The following HS2ST1 variants were observed in gnomAD, a reference collection of about 807,000 sequenced individuals.
HS2ST1 encodes the protein heparan sulfate 2-O-sulfotransferase 1.
In HS2ST1, 18 loss-of-function variants were observed where a neutral mutation model predicts 42.9. That is an observed-to-expected ratio of 0.42 (90% CI 0.29 to 0.62). The LOEUF is 0.62. Ranked by LOEUF, HS2ST1 falls within the 20% of genes least tolerant of loss-of-function variation. The pLI, the probability that HS2ST1 is intolerant of heterozygous loss-of-function variation, is 0.21. For synonymous variants in HS2ST1, 146 were observed against 152.9 expected, an observed-to-expected ratio of 0.95 and a Z score of 0.33; for missense variants, 334 against 433.8, an observed-to-expected ratio of 0.77 and a Z score of 2.04.
Position 87,043,461 on chromosome 1 carries a change from A to C in HS2ST1, c.125-29473A>C, listed in dbSNP as rs191420993. On this transcript the variant is annotated intron_variant, in intron 1 of 6. Coordinates refer to ENST00000370550, the MANE Select transcript of HS2ST1 (RefSeq NM_012262.4). ...TGCTTTACCTGATTTAATAATCAAC[A>C]AAACATTTTATTCTAAATTTATTGT... Among the ~76,000 whole-genome samples the C allele has an allele frequency of 6.7e-3, 1,023 of 152,264 alleles. 11 individuals carry two copies. The highest frequency in any genetic ancestry group is 0.024 in the African/African-American group (979 of 41,572).
At chr1:87,012,829 T>G (rs1649639890) in intron 1 of HS2ST1, among the ~76,000 whole-genome samples, 2 of 152,208 alleles carry the variant, frequency 1.3e-5, no homozygotes, top group African/African-American at 4.8e-5. Flanking sequence ...ATGGGAGAAA[T>G]AGGCCAAAAC....
chr1:86,945,046 AATAG>A (rs1647289141), intron 1 of HS2ST1, among the ~76,000 whole-genome samples: 1 of 152,102 alleles, frequency 6.6e-6, no homozygotes, highest in Non-Finnish European at 1.5e-5. Flanking sequence ...CTTGACGGTT[AATAG>A]TATGTTTCCC....
chr1:86,934,249 G>A (rs1660598988), intron 1 of HS2ST1, among the ~76,000 whole-genome samples: 2 of 152,134 alleles, frequency 1.3e-5, no homozygotes, highest in South Asian at 4.1e-4. Context: ...TTGAGGACAG[G>A]TCTTTGTTAT....
intron 1 of HS2ST1, among the ~76,000 whole-genome samples, chr1:87,061,148 TAA>T (rs1023298000): frequency 3.3e-5 from 5 of 152,186 alleles, no homozygotes; most frequent in Non-Finnish European, 4.4e-5. Context: ...AAATTGAGAA[TAA>T]ATGACTAATT....
At chr1:86,982,034 CT>C (rs1163347345) in intron 1 of HS2ST1, among the ~76,000 whole-genome samples, 1 of 152,254 alleles carries the variant, frequency 6.6e-6, no homozygotes, top group Non-Finnish European at 1.5e-5. Context: ...CAGTTCTTGT[CT>C]TCTGTGCACC....
chr1:87,069,231 A>G (rs938096909), intron 1 of HS2ST1, among the ~76,000 whole-genome samples: 1 of 152,218 alleles, frequency 6.6e-6, no homozygotes, highest in African/African-American at 2.4e-5. Flanking sequence ...ATGCAGTTCA[A>G]ATCCATGTTG....
At chr1:87,028,172 A>G (rs910254608) in intron 1 of HS2ST1, among the ~76,000 whole-genome samples, 2 of 152,210 alleles carry the variant, frequency 1.3e-5, no homozygotes, top group African/African-American at 4.8e-5. Flanking sequence ...TTTCACGTAC[A>G]CTACTAGACA....
rs963870390 is a variant in HS2ST1, at chr1:87,099,587, A to G, written c.686+1652A>G. ...TTCAACATGAGATTTGGAGGGAACA[A>G]ACATCCAAACCATATTATTCTGCCC... On this transcript the variant is annotated intron_variant, in intron 5 of 6. Coordinates refer to ENST00000370550, the MANE Select transcript of HS2ST1 (RefSeq NM_012262.4). Among the ~76,000 whole-genome samples, 46 of 152,154 alleles carry G rather than the reference A, an allele frequency of 3.0e-4. 2 individuals carry two copies. Among genetic ancestry groups the G allele is most frequent in the Admixed American group, 3.0e-3 (46 of 15,272 alleles).
At chr1:86,992,242 C>T (rs1432476594) in intron 1 of HS2ST1, among the ~76,000 whole-genome samples, 3 of 150,386 alleles carry the variant, frequency 2.0e-5, no homozygotes, top group Non-Finnish European at 3.0e-5. Flanking sequence ...TTGTCTTCCT[C>T]AAAACTGGTC....
intron 1 of HS2ST1, among the ~76,000 whole-genome samples, chr1:87,019,549 G>A (rs1649857923): frequency 6.6e-6 from 1 of 152,068 alleles, no homozygotes; most frequent in Non-Finnish European, 1.5e-5. Context: ...ATATTCTTAT[G>A]TCACATTAGC....
chr1:87,011,347 A>G (rs1649593399), intron 1 of HS2ST1, among the ~76,000 whole-genome samples: 1 of 152,018 alleles, frequency 6.6e-6, no homozygotes, highest in Non-Finnish European at 1.5e-5. Context: ...CTTGGGCTCA[A>G]GCAATTCTGC....
intron 1 of HS2ST1, among the ~76,000 whole-genome samples, chr1:86,959,056 T>C (rs1647751934): frequency 1.3e-5 from 2 of 152,090 alleles, no homozygotes; most frequent in Admixed American, 6.5e-5. Flanking sequence ...GATTAAAATC[T>C]CTCAGGAAAC....
chr1:87,101,156 G>GTTTTTTTTTTTTTTT (rs1162453464), intron 5 of HS2ST1, among the ~76,000 whole-genome samples: 2 of 91,148 alleles, frequency 2.2e-5, no homozygotes, highest in African/African-American at 4.5e-5. Flanking sequence ...TGTGTTTTTT[G>GTTTTTTTTTTTTTTT]TTTTTTTTTT....
At chr1:87,016,489 G>T (rs971997900) in intron 1 of HS2ST1, among the ~76,000 whole-genome samples, 3 of 151,586 alleles carry the variant, frequency 2.0e-5, no homozygotes, top group African/African-American at 7.3e-5. Context: ...CTCTCTCCTG[G>T]CTTCCCTCCT....
At chr1:86,998,251 G>A (rs1002464296) in intron 1 of HS2ST1, among the ~76,000 whole-genome samples, 2 of 152,168 alleles carry the variant, frequency 1.3e-5, no homozygotes, top group Admixed American at 6.5e-5. Flanking sequence ...CCTCAGGATT[G>A]ACCAGTACAT....
chr1:87,047,955 T>G (rs1258665133), intron 1 of HS2ST1, among the ~76,000 whole-genome samples: 1 of 152,148 alleles, frequency 6.6e-6, no homozygotes, highest in Non-Finnish European at 1.5e-5. Flanking sequence ...TATTAGTTGG[T>G]CAATTCATAC....
intron 1 of HS2ST1, among the ~76,000 whole-genome samples, chr1:86,984,189 A>G (rs190248613): frequency 1.6e-4 from 25 of 152,360 alleles, no homozygotes; most frequent in Middle Eastern, 3.4e-3. Flanking sequence ...AGAGTCAGTT[A>G]ATTTTTCCAA....
chr1:86,928,926 A>G (rs1276269044), intron 1 of HS2ST1, among the ~76,000 whole-genome samples: 4 of 151,870 alleles, frequency 2.6e-5, no homozygotes, highest in Non-Finnish European at 5.9e-5. Flanking sequence ...GGTTTGTCTT[A>G]TAGATAAGAT....
chr1:86,980,981 A>T (rs1557502878), intron 1 of HS2ST1, among the ~76,000 whole-genome samples: 1 of 152,210 alleles, frequency 6.6e-6, no homozygotes, highest in East Asian at 1.9e-4. Context: ...AATTTATAAA[A>T]GAAAGAGGTT....
Sources: gnomAD v4.1 joint callset for allele counts (sites outside exome capture counted in the v4.1 genomes callset) on GRCh38, gnomAD v4.1.1 for gene constraint, MANE v1.5 for transcripts, NCBI Gene and HGNC (gene_info 2026-07-23, HGNC 2026-07-21) for gene names.